AP3D1: variants seen among roughly 807,000 people sequenced by gnomAD.
The protein encoded by AP3D1 is adaptor related protein complex 3 subunit delta 1, also known as AP-3 complex subunit delta-1.
A neutral mutation model predicts 147.6 loss-of-function variants in AP3D1; 51 were observed. That is an observed-to-expected ratio of 0.35 (90% CI 0.28 to 0.44). The LOEUF (loss-of-function observed/expected upper bound fraction) is 0.44. Ranked by LOEUF, AP3D1 falls within the 20% of genes least tolerant of loss-of-function variation. AP3D1 has a pLI of 1.00. For synonymous variants in AP3D1, 760 were observed against 663.0 expected, an observed-to-expected ratio of 1.15 and a Z score of -2.25; for missense variants, 1,421 against 1,624.2, an observed-to-expected ratio of 0.87 and a Z score of 2.15.
In AP3D1 at chr19:2,131,515, C is replaced by CTT; in HGVS notation, c.462+955_462+956insAA. On this transcript the variant is annotated intron_variant, in intron 5 of 31. Transcript: ENST00000643116. ...GACAGGCAGCCACGAGGGGACAGGGCCCATCGGCCACGATCTAGGCACCCG... is the reference window on the plus strand; with the variant it reads ...GACAGGCAGCCACGAGGGGACAGGGCTTCCATCGGCCACGATCTAGGCACCCG... Among the ~76,000 whole-genome samples, 107 of 122,920 alleles carry CTT rather than the reference C, an allele frequency of 8.7e-4. 1 individual carries two copies. Among genetic ancestry groups the CTT allele is most frequent in the African/African-American group, 3.1e-3 (99 of 32,120 alleles). 80.6% of individuals were successfully genotyped at this position (122,920 alleles called of 152,430 possible).
intron 8 of AP3D1, among the ~76,000 whole-genome samples, chr19:2,127,437 C>A (rs959046829): frequency 1.2e-4 from 19 of 152,222 alleles, no homozygotes; most frequent in Admixed American, 1.1e-3. Context: ...GTGACAGCAT[C>A]CACGCAGGGA....
At chr19:2,153,946 ATT>A (rs879565994), upstream of AP3D1, among the ~76,000 whole-genome samples, 289 of 74,400 alleles carry the variant, frequency 3.9e-3, no homozygotes, top group Non-Finnish European at 6.2e-3. Flanking sequence ...CCCAGCCTGA[ATT>A]TTTTTTTTTT....
rs780839947 is a variant in AP3D1 at position 2,114,863 on chromosome 19, GT to G, written c.2350-43del. On this transcript the variant is annotated intron_variant, in intron 20 of 31. Transcript: ENST00000643116. ...AACCCCATCACTGGAACCCGCCCTTGTGGCCTGGTGGAACGCCATCTATCTG... is the reference window on the plus strand; with the variant it reads ...AACCCCATCACTGGAACCCGCCCTTGGGCCTGGTGGAACGCCATCTATCTG... 15 of 1,602,390 alleles carry G rather than the reference GT, an allele frequency of 9.4e-6. No homozygotes were observed. The East Asian group carries it at 3.1e-4, about 33-fold the overall frequency.
At chr19:2,141,898 T>C (rs989982425) in intron 1 of AP3D1, among the ~76,000 whole-genome samples, 1 of 151,428 alleles carries the variant, frequency 6.6e-6, no homozygotes, top group Non-Finnish European at 1.5e-5. Context: ...TACAGGGCCA[T>C]GCCACCATAT....
At chr19:2,163,944 T>C (rs2019808233) in intron 1 of AP3D1, among the ~76,000 whole-genome samples, 1 of 149,590 alleles carries the variant, frequency 6.7e-6, no homozygotes, top group Non-Finnish European at 1.5e-5. Flanking sequence ...TTGTGCTCGC[T>C]TCACGCCGGC....
intron 20 of AP3D1, 117 bp downstream of exon 20, chr19:2,115,101 TG>T: frequency 9.3e-7 from 1 of 1,078,426 alleles, no homozygotes; most frequent in South Asian, 1.5e-5. Context: ...CTCTCCGGGG[TG>T]GGGCCTCATC....
intron 1 of AP3D1, among the ~76,000 whole-genome samples, chr19:2,160,690 AG>A (rs894779409): frequency 6.6e-6 from 1 of 152,124 alleles, no homozygotes; most frequent in African/African-American, 2.4e-5. Flanking sequence ...AGTGATCCTG[AG>A]GATATAGATA....
chr19:2,121,418 A>G, intron 12 of AP3D1, 107 bp from the exon 13 acceptor site: 1 of 1,383,350 alleles, frequency 7.2e-7, no homozygotes. Context: ...ACACAGGCGG[A>G]CCCGGATTCA....
intron 30 of AP3D1, 34 bp downstream of exon 30, chr19:2,109,052 C>T: frequency 6.2e-7 from 1 of 1,604,418 alleles, no homozygotes; most frequent in African/African-American, 1.3e-5. Context: ...GCGTGAAAGC[C>T]CCGTGCAATC....
At chr19:2,144,897 T>C (rs2019317298) in intron 1 of AP3D1, among the ~76,000 whole-genome samples, 1 of 152,174 alleles carries the variant, frequency 6.6e-6, no homozygotes, top group East Asian at 1.9e-4. Flanking sequence ...AGGGAGACTA[T>C]GTCTCCAAAA....
At chr19:2,112,558 T>C (rs1399247503) in intron 24 of AP3D1, 2 of 290,252 alleles carry the variant, frequency 6.9e-6, no homozygotes, top group Non-Finnish European at 1.3e-5. Context: ...TTAGGGGTCA[T>C]GGAAAGTTCT....
intron 27 of AP3D1, 21 bp downstream of exon 27, chr19:2,110,686 C>A: frequency 1.3e-6 from 2 of 1,566,878 alleles, no homozygotes; most frequent in East Asian, 2.4e-5. Context: ...CAGGAGAGGC[C>A]GTGAGTGGGG....
intron 1 of AP3D1, among the ~76,000 whole-genome samples, chr19:2,157,554 C>T: frequency 6.7e-6 from 1 of 149,108 alleles, no homozygotes; most frequent in East Asian, 2.0e-4. Flanking sequence ...TCCATCCATC[C>T]ATCTACCCAT....
intron 1 of AP3D1, among the ~76,000 whole-genome samples, chr19:2,145,835 G>T (rs112204579): frequency 1.3e-5 from 2 of 152,314 alleles, no homozygotes; most frequent in African/African-American, 4.8e-5. Context: ...TAGACAAAGA[G>T]GCCCAAGCCT....
chr19:2,141,942 ATATT>A (rs1441344897), intron 1 of AP3D1, among the ~76,000 whole-genome samples: 2 of 149,586 alleles, frequency 1.3e-5, no homozygotes, highest in East Asian at 3.9e-4. Flanking sequence ...ATATTTATAT[ATATT>A]TATTTTTGCA....
At chr19:2,120,129 C>A (rs2018569269) in intron 14 of AP3D1, among the ~76,000 whole-genome samples, 1 of 152,094 alleles carries the variant, frequency 6.6e-6, no homozygotes, top group Admixed American at 6.5e-5. Flanking sequence ...GGTGATGGGG[C>A]CGGGCCCGAG....
chr19:2,117,839 T>C (rs150582031), intron 15 of AP3D1, among the ~76,000 whole-genome samples: 261 of 152,338 alleles, frequency 1.7e-3, no homozygotes, highest in African/African-American at 5.9e-3. Flanking sequence ...TCCTCAGCCA[T>C]TGGACAGGCT....
chr19:2,157,455 A>AG (rs1413704333), intron 1 of AP3D1, among the ~76,000 whole-genome samples: 9 of 148,732 alleles, frequency 6.1e-5, no homozygotes, highest in East Asian at 2.0e-4. Flanking sequence ...AAAAAAAAAA[A>AG]AAAAAGAAAA....
chr19:2,109,034 T>C, intron 30 of AP3D1, 52 bp downstream of exon 30: 2 of 1,599,600 alleles, frequency 1.3e-6, no homozygotes, highest in Non-Finnish European at 1.7e-6. Flanking sequence ...AAGGGACAGC[T>C]GCCGCGTGCG....
Sources: allele counts gnomAD v4.1 joint callset (sites outside exome capture counted in the v4.1 genomes callset), GRCh38; gene constraint gnomAD v4.1.1; transcripts MANE v1.5; gene names NCBI Gene and HGNC (gene_info 2026-07-23, HGNC 2026-07-21).